The following SPINK14 variants were observed in gnomAD, a reference collection of about 807,000 sequenced individuals.
SPINK14 encodes the protein serine peptidase inhibitor Kazal type 14 (putative).
A neutral mutation model predicts 14.2 loss-of-function variants in SPINK14; 6 were observed. The ratio of observed to expected loss-of-function variants is 0.42; its 90% confidence interval spans 0.23 to 0.83. The LOEUF is 0.83. Ranked by LOEUF, SPINK14 falls within the 40% of genes least tolerant of loss-of-function variation. SPINK14 has a pLI of 0.28. For missense variants in SPINK14, 86 were observed against 108.3 expected (o/e 0.79, Z 0.91); for synonymous variants, 34 against 36.8 (o/e 0.92, Z 0.27).
chr5:148,169,945 G>A (rs200916565), intron 2 of SPINK14, 146 bp downstream of exon 2: 52 of 196,770 alleles, frequency 2.6e-4, no homozygotes, highest in Admixed American at 4.7e-4. Flanking sequence ...ATCCATTGAC[G>A]TGTTGCAGAG....
chr5:148,170,199 CATAT>C (rs1488716517), intron 2 of SPINK14, among the ~76,000 whole-genome samples: 32 of 145,174 alleles, frequency 2.2e-4, no homozygotes, highest in African/African-American at 7.9e-4. Flanking sequence ...CACACACATA[CATAT>C]ATATATATAT....
intron 2 of SPINK14, 80 bp downstream of exon 2, chr5:148,169,879 T>C: frequency 8.5e-7 from 1 of 1,174,980 alleles, no homozygotes; most frequent in Non-Finnish European, 1.2e-6. Flanking sequence ...GAGAATGCTT[T>C]GAAATTGTTC....
At position 148,169,473 on chromosome 5, in the gene SPINK14, A is replaced by T. The variant is rs138190122; in HGVS notation, c.-72-188A>T. ...ACCTATGATTTACTTCTGAGTATTCAAAGATCTGTTACTGAGCTCTATACT... is the reference window on the plus strand; with the variant it reads ...ACCTATGATTTACTTCTGAGTATTCTAAGATCTGTTACTGAGCTCTATACT... On this transcript the variant is annotated intron_variant, in intron 1 of 4. Coordinates refer to ENST00000356972, the MANE Select transcript of SPINK14 (RefSeq NM_001001325.2). 1.9e-3 allele frequency among the ~76,000 whole-genome samples: 294 copies of T among 152,296 alleles called. 2 individuals are homozygous for T. Among genetic ancestry groups the T allele is most frequent in the African/African-American group, 6.8e-3 (282 of 41,562 alleles).
At chr5:148,174,882 C>A (rs1189383595) in intron 4 of SPINK14, among the ~76,000 whole-genome samples, 1 of 152,042 alleles carries the variant, frequency 6.6e-6, no homozygotes, top group East Asian at 1.9e-4. Context: ...AGCTTTGATT[C>A]CTATATGAGT....
chr5:148,171,316 G>T (rs2113281162), intron 3 of SPINK14, among the ~76,000 whole-genome samples: 1 of 152,220 alleles, frequency 6.6e-6, no homozygotes, highest in East Asian at 1.9e-4. Context: ...CAGTCTGATG[G>T]AAACAATGAC....
At chr5:148,171,479 G>A (rs1755105051) in intron 3 of SPINK14, among the ~76,000 whole-genome samples, 1 of 152,110 alleles carries the variant, frequency 6.6e-6, no homozygotes, top group Non-Finnish European at 1.5e-5. Context: ...ACTTGGATGA[G>A]GGCAAAATGG....
chr5:148,170,870 C>T, intron 2 of SPINK14, 60 bp from the exon 3 acceptor site: 1 of 1,457,902 alleles, frequency 6.9e-7, no homozygotes, highest in Non-Finnish European at 9.6e-7. Flanking sequence ...ATTCTGCCAA[C>T]AGATTAAGCT....
At chr5:148,173,484 A>G (rs1755133624) in intron 3 of SPINK14, among the ~76,000 whole-genome samples, 1 of 31,254 alleles carries the variant, frequency 3.2e-5, no homozygotes. Flanking sequence ...AAATGGCTTG[A>G]GGATTTAGAG....
In SPINK14 at chr5:148,169,903, AAT is replaced by A. The variant is rs113568126; in HGVS notation, c.67+115_67+116del. The A allele has an allele frequency of 4.0e-3, 2,916 of 728,618 alleles. 36 individuals are homozygous for A. Among genetic ancestry groups the A allele is most frequent in the African/African-American group, 0.031 (1,672 of 54,350 alleles). The allele number at this position is 728,618 out of a possible 1,614,324, so 45.1% of individuals were successfully genotyped here. A position where few individuals can be genotyped will look rare whatever the true frequency, so the allele number is the denominator to read the frequency against. On this transcript the variant is annotated intron_variant, in intron 2 of 4. Transcript: ENST00000356972. ...TTGAAATTGTTCTTTAACTGGGATG[AAT>A]ATATATATATGTGTATATATATATA...
At chr5:148,170,171 TATACAC>T (rs1157640172) in intron 2 of SPINK14, among the ~76,000 whole-genome samples, 3 of 138,236 alleles carry the variant, frequency 2.2e-5, no homozygotes, top group African/African-American at 8.3e-5. Flanking sequence ...TATATATATA[TATACAC>T]ACACACACAC....
chr5:148,170,173 T>TAC (rs376416343), intron 2 of SPINK14, among the ~76,000 whole-genome samples: 193 of 133,852 alleles, frequency 1.4e-3, no homozygotes, highest in African/African-American at 2.6e-3. Context: ...TATATATATA[T>TAC]ACACACACAC....
At chr5:148,170,173 T>TATAC (rs1554109827) in intron 2 of SPINK14, among the ~76,000 whole-genome samples, 4 of 133,856 alleles carry the variant, frequency 3.0e-5, no homozygotes, top group South Asian at 2.4e-4. Context: ...TATATATATA[T>TATAC]ACACACACAC....
chr5:148,169,841 T>G (rs200025569), intron 2 of SPINK14, 42 bp downstream of exon 2: 536 of 1,535,370 alleles, frequency 3.5e-4, no homozygotes, highest in Non-Finnish European at 4.5e-4. Flanking sequence ...TGAAATTGAT[T>G]TGTGGGCTTT....
chr5:148,175,429 C>CTT lies in SPINK14; in HGVS notation c.*40_*41dup. ...TGGACTTGAATGTGGAAGATATCTT[C>CTT]TTTTTTTTTTCCTCCATGTCTCCAA... On this transcript the variant is annotated 3_prime_UTR_variant, in exon 5 of 5. Coordinates refer to ENST00000356972, the MANE Select transcript of SPINK14 (RefSeq NM_001001325.2). 1.7e-5 allele frequency: 23 copies of CTT among 1,389,722 alleles called. No individual in the cohort carries two copies. The highest frequency in any genetic ancestry group is 2.5e-5 in the East Asian group (1 of 40,172). The allele number at this position is 1,389,722 out of a possible 1,614,324, so 86.1% of individuals were successfully genotyped here.
rs1316713513 is a variant in SPINK14 at position 148,175,372 on chromosome 5, A to T, written c.268A>T (p.Arg90Trp). 1.2e-6 allele frequency: 2 copies of T among 1,604,174 alleles called. No individual in the cohort carries two copies. Among genetic ancestry groups the T allele is most frequent in the Non-Finnish European group, 1.7e-6 (2 of 1,173,546 alleles). Residue 90 changes from arginine to tryptophan, a missense_variant, in exon 5 of 5, where the codon AGG (arginine) becomes TGG (tryptophan). Arg to Trp is a moderately radical substitution (Grantham distance 101). Coordinates refer to ENST00000356972, the MANE Select transcript of SPINK14 (RefSeq NM_001001325.2). ...VESLKSHGRI[R>W]FYHDGKC ...CTTTAGGAAATCTCATGGAAGAATC[A>T]GGTTTTACCATGATGGAAAATGTTA... is the stretch of plus-strand genomic sequence containing the variant.
chr5:148,171,009 T>A, intron 3 of SPINK14, 36 bp downstream of exon 3: 1 of 1,590,600 alleles, frequency 6.3e-7, no homozygotes, highest in Non-Finnish European at 8.6e-7. Flanking sequence ...AGGACTTACA[T>A]TATAATATGA....
chr5:148,169,919 T>TACAC, intron 2 of SPINK14, 120 bp downstream of exon 2: 1 of 481,122 alleles, frequency 2.1e-6, no homozygotes, highest in Non-Finnish European at 3.4e-6. Flanking sequence ...TATATATGTG[T>TACAC]ATATATATAT....
chr5:148,175,324 T>C (rs775740769), intron 4 of SPINK14, 29 bp from the exon 5 acceptor site: 12 of 1,429,982 alleles, frequency 8.4e-6, no homozygotes, highest in African/African-American at 1.4e-5. Flanking sequence ...TATTACTAAA[T>C]GAAATGTTTA....
rs553734075 is a variant in SPINK14 at position 148,174,522 on chromosome 5, T to C, written c.248+152T>C. The C allele has an allele frequency of 1.3e-3, 579 of 457,466 alleles. 191 individuals are homozygous for C. The highest frequency in any genetic ancestry group is 0.013 in the South Asian group (481 of 38,236). The allele number at this position is 457,466 out of a possible 1,614,324, so 28.3% of individuals were successfully genotyped here. A position where few individuals can be genotyped will look rare whatever the true frequency, so the allele number is the denominator to read the frequency against. The stretch of plus-strand genomic sequence containing the variant: ...ATCAGCACCCACTCAGAAAAGCACA[T>C]AGTAATTGAAAGTCCACTGGACTAG... On this transcript the variant is annotated intron_variant, in intron 4 of 4. Coordinates refer to ENST00000356972, the MANE Select transcript of SPINK14 (RefSeq NM_001001325.2).
Sources: gnomAD v4.1 joint callset for allele counts (sites outside exome capture counted in the v4.1 genomes callset) on GRCh38, gnomAD v4.1.1 for gene constraint, MANE v1.5 for transcripts, NCBI Gene and HGNC (gene_info 2026-07-23, HGNC 2026-07-21) for gene names.